Variants in USP50 observed in about 807,000 individuals in gnomAD.
The protein encoded by USP50 is ubiquitin carboxyl-terminal hydrolase 50.
USP50 carries 37 observed loss-of-function variants against 39.2 expected under a neutral mutation model. The observed-to-expected ratio is 0.94, with a 90% CI of 0.73 to 1.24. The LOEUF (loss-of-function observed/expected upper bound fraction) is 1.24, where lower values mean the gene tolerates loss of function less well. Ranked by LOEUF, USP50 falls within the 50% of genes most tolerant of loss-of-function variation. USP50 has a pLI of 0.00. For missense variants in USP50, 374 were observed against 398.2 expected (o/e 0.94, Z 0.52); for synonymous variants, 139 against 144.5 (o/e 0.96, Z 0.27).
At chr15:50,519,979 T>C (rs3131605) in intron 6 of USP50, among the ~76,000 whole-genome samples, 87,786 of 151,670 alleles carry the variant, frequency 0.58, 25,511 homozygotes, top group Admixed American at 0.63. Flanking sequence ...ACCTGCACCC[T>C]CATGTTTATT....
intron 3 of USP50, among the ~76,000 whole-genome samples, chr15:50,542,113 G>C (rs1411779520): frequency 1.3e-5 from 2 of 151,556 alleles, no homozygotes; most frequent in East Asian, 3.9e-4. Context: ...AACTAGCCTT[G>C]TGGCCTGGTT....
At chr15:50,535,158 CACACACAA>C (rs1264627641) in intron 5 of USP50, among the ~76,000 whole-genome samples, 2 of 151,956 alleles carry the variant, frequency 1.3e-5, no homozygotes, top group Non-Finnish European at 2.9e-5. Flanking sequence ...CACACACACA[CACACACAA>C]AAATTGATAG....
chr15:50,540,707 T>C lies in USP50; in HGVS notation c.660+342A>G, dbSNP rs186034961. 9.4e-3 allele frequency among the ~76,000 whole-genome samples: 1,426 copies of C among 152,222 alleles called. 15 individuals are homozygous for C. The highest frequency in any genetic ancestry group is 0.02 in the Middle Eastern group (6 of 294). On this transcript the variant is annotated intron_variant, in intron 4 of 6. Transcript: ENST00000532404. ...AGTGCGATCTTGGCTCACAACAACC[T>C]CCGCCTCCCAGGTTCAAGCGATTCT...
chr15:50,542,019 C>G (rs1241201621), intron 3 of USP50, among the ~76,000 whole-genome samples: 1 of 138,836 alleles, frequency 7.2e-6, no homozygotes, highest in Non-Finnish European at 1.6e-5. Context: ...GGAAACATAA[C>G]AAAATCCTGT....
chr15:50,501,050 A>G (rs2052576160), intron 6 of USP50: 1 of 495,522 alleles, frequency 2.0e-6, no homozygotes, highest in South Asian at 2.4e-5. Context: ...ATTGACTATC[A>G]TCTGTGAATA....
downstream of USP50, chr15:50,498,496 A>G (rs531851730): frequency 7.2e-7 from 1 of 1,392,694 alleles, no homozygotes; most frequent in Non-Finnish European, 9.5e-7. Context: ...TGTATTTGAA[A>G]TGGATTTTAC....
At chr15:50,498,807 G>A (rs2052511309), downstream of USP50, 1 of 1,549,452 alleles carries the variant, frequency 6.5e-7, no homozygotes. Flanking sequence ...CTACCTCATG[G>A]AAGAGTAAGA....
chr15:50,493,564 G>C (rs575571465), downstream of USP50: 40 of 494,958 alleles, frequency 8.1e-5, no homozygotes, highest in East Asian at 2.1e-3. Context: ...GACCAGTCTG[G>C]GCAACAAGGC....
At chr15:50,493,066 A>C, downstream of USP50, 1 of 837,706 alleles carries the variant, frequency 1.2e-6, no homozygotes, top group Non-Finnish European at 1.9e-6. Context: ...TTAGTTCTTG[A>C]CTGGGAAGGC....
At chr15:50,503,642 A>T (rs987130592) in intron 6 of USP50, 1 of 152,176 alleles carries the variant, frequency 6.6e-6, no homozygotes, top group Admixed American at 6.5e-5. Flanking sequence ...GTCACCATAG[A>T]CCTACCTTTT....
Position 50,543,653 on chromosome 15 carries a change from T to C in USP50, c.389A>G (p.Asp130Gly). Residue 130 changes from aspartate (D) to glycine (G), a missense_variant, in exon 3 of 7, where the codon GAT becomes GGT. Physicochemically the swap from Asp to Gly is moderately conservative, Grantham distance 94. Transcript: ENST00000532404. ...YPAFTKKMQQDAQEFLICVLN... is the reference protein window; with the variant it reads ...YPAFTKKMQQGAQEFLICVLN... ...GACACAAATCAAGAATTCCTGAGCATCTTGTTGCATCTTTTTCGTAAATGC... is the reference window on the plus strand; with the variant it reads ...GACACAAATCAAGAATTCCTGAGCACCTTGTTGCATCTTTTTCGTAAATGC... The C allele has an allele frequency of 1.2e-6, 2 of 1,613,776 alleles. No individual in the cohort carries two copies. Among genetic ancestry groups the C allele is most frequent in the Non-Finnish European group, 1.7e-6 (2 of 1,179,786 alleles).
At chr15:50,494,782 A>G (rs1291758622) in intron 1 of USP50, among the ~76,000 whole-genome samples, 2 of 152,210 alleles carry the variant, frequency 1.3e-5, no homozygotes, top group African/African-American at 2.4e-5. Flanking sequence ...TGGGAGGCCA[A>G]GGCTGGTGGA....
chr15:50,533,355 A>G (rs1442183358), intron 5 of USP50, among the ~76,000 whole-genome samples: 1 of 152,168 alleles, frequency 6.6e-6, no homozygotes, highest in Non-Finnish European at 1.5e-5. Flanking sequence ...CCACAGATAC[A>G]GGAAGCTCAG....
Position 50,500,790 on chromosome 15 carries a change from C to A in USP50, c.984G>T (p.Lys328Asn). 1 of 1,590,476 alleles carries A rather than the reference C, an allele frequency of 6.3e-7. No individual in the cohort carries two copies. Among genetic ancestry groups the A allele is most frequent in the Non-Finnish European group, 8.6e-7 (1 of 1,167,980 alleles). Residue 328 changes from lysine (K) to asparagine (N), a missense_variant, in exon 7 of 7, where the codon AAG becomes AAT. By Grantham distance (94) the Lys-to-Asn change is moderately conservative. Transcript: ENST00000532404. ...TATATCAGGCCTGGGTGACTGAATT[C>A]TTGCAGAAAGCAGTGTAGTGGCCAC... is the stretch of plus-strand genomic sequence containing the variant. Reference protein sequence around the residue: ...LDGGHYTAFCKNSVTQA With the variant: ...LDGGHYTAFCNNSVTQA
chr15:50,525,512 A>ATG (rs2052881793), intron 6 of USP50, among the ~76,000 whole-genome samples: 3 of 117,080 alleles, frequency 2.6e-5, no homozygotes, highest in Non-Finnish European at 5.2e-5. Flanking sequence ...GTGTGTGTAT[A>ATG]TATATGTATA....
chr15:50,495,483 T>G (rs200442497), intron 1 of USP50, among the ~76,000 whole-genome samples: 4,754 of 93,508 alleles, frequency 0.051, 118 homozygotes, highest in Middle Eastern at 0.082. Flanking sequence ...TAGTAGAGAT[T>G]GGAGGGGGGG....
rs3131598 is a variant in USP50, at chr15:50,535,093, G to A, written c.803+3616C>T. ...GGCAGAGTTTGCAGTGAGCCAAGACGGCACCACTGCACTCCAGCCTGGGCA... is the reference window on the plus strand; with the variant it reads ...GGCAGAGTTTGCAGTGAGCCAAGACAGCACCACTGCACTCCAGCCTGGGCA... On this transcript the variant is annotated intron_variant, in intron 5 of 6. Transcript: ENST00000532404. Among the ~76,000 whole-genome samples the A allele has an allele frequency of 7.9e-5, 12 of 151,610 alleles. No individual in the cohort carries two copies. The East Asian group carries it at 1.7e-3, about 22-fold the overall frequency.
intron 5 of USP50, among the ~76,000 whole-genome samples, chr15:50,530,448 G>A (rs548640538): frequency 6.6e-6 from 1 of 152,036 alleles, no homozygotes; most frequent in East Asian, 1.9e-4. Context: ...GCCGGGCATG[G>A]TAGTGGATGC....
chr15:50,543,704 C>T lies in USP50; in HGVS notation c.338G>A (p.Trp113Ter), dbSNP rs748215611. 1.2e-6 allele frequency: 2 copies of T among 1,612,264 alleles called. No individual in the cohort carries two copies. Among genetic ancestry groups the T allele is most frequent in the Non-Finnish European group, 1.7e-6 (2 of 1,179,090 alleles). The change falls in exon 3 of 7, where the codon TGG (tryptophan) becomes TAG (stop). Residue 113 changes from tryptophan (W) to a stop codon, truncating the protein, a stop_gained. Transcript: ENST00000532404. LOFTEE classifies it high-confidence loss of function. ...DSDCVSPEIF[W>*]SALGNLYPAF... ...TGGGTAGAGGTTGCCAAGAGCTGAC[C>T]AGAATATTTCTGGTGAGACACAGTC...
Sources: gnomAD v4.1 joint callset for allele counts (sites outside exome capture counted in the v4.1 genomes callset) on GRCh38, gnomAD v4.1.1 for gene constraint, MANE v1.5 for transcripts, NCBI Gene and HGNC (gene_info 2026-07-23, HGNC 2026-07-21) for gene names.